The following GLG1 variants were observed in gnomAD, a reference collection of about 807,000 sequenced individuals.
GLG1 encodes the protein Golgi apparatus protein 1.
GLG1 carries 38 observed loss-of-function variants against 160.5 expected under a neutral mutation model. The observed-to-expected ratio is 0.24, with a 90% CI of 0.18 to 0.31. The LOEUF is 0.31. Ranked by LOEUF, GLG1 falls within the 10% of genes least tolerant of loss-of-function variation. The pLI, the probability that GLG1 is intolerant of heterozygous loss-of-function variation, is 1.00. For missense variants in GLG1, 1,373 were observed against 1,505.2 expected (o/e 0.91, Z 1.45); for synonymous variants, 644 against 543.4 (o/e 1.19, Z -2.57).
chr16:74,498,003 C>G (rs1007868013), intron 4 of GLG1, among the ~76,000 whole-genome samples: 4 of 152,168 alleles, frequency 2.6e-5, no homozygotes, highest in African/African-American at 9.7e-5. Context: ...ATAGCAACCA[C>G]AAACATTCAT....
chr16:74,480,551 T>G (rs2015561215), intron 10 of GLG1, among the ~76,000 whole-genome samples, 157 bp from the exon 11 acceptor site: 2 of 151,980 alleles, frequency 1.3e-5, no homozygotes, highest in Admixed American at 1.3e-4. Flanking sequence ...TCCTGAATTT[T>G]GTTCTTTTGT....
chr16:74,571,575 A>AC (rs1434385412), intron 1 of GLG1, among the ~76,000 whole-genome samples: 1 of 151,748 alleles, frequency 6.6e-6, no homozygotes, highest in African/African-American at 2.4e-5. Flanking sequence ...AATCGCTCGT[A>AC]CCCAGGAGGC....
At position 74,606,772 on chromosome 16, in the gene GLG1, C is replaced by T. The variant is rs754584891; in HGVS notation, c.323G>A (p.Gly108Glu). 1 of 1,611,608 alleles carries T rather than the reference C, an allele frequency of 6.2e-7. No homozygotes were observed. Among genetic ancestry groups the T allele is most frequent in the Non-Finnish European group, 8.5e-7 (1 of 1,178,902 alleles). Residue 108 changes from glycine (G) to glutamate (E), a missense_variant, in exon 1 of 26, where the codon GGG (glycine) becomes GAG (glutamate). Gly to Glu is a moderately conservative substitution (Grantham distance 98, BLOSUM62 -2). Coordinates refer to ENST00000422840, the MANE Select transcript of GLG1 (RefSeq NM_001145667.2). Reference protein sequence around the residue: ...PARRGGAGAGGGWKLAEEESC... With the variant: ...PARRGGAGAGEGWKLAEEESC... ...CTCTTCCTCCGCCAGCTTCCAGCCC[C>T]CACCAGCCCCCGCTCCTCCCCGCCG...
chr16:74,533,966 T>TAGCC (rs1478263156), intron 1 of GLG1, among the ~76,000 whole-genome samples: 16 of 152,128 alleles, frequency 1.1e-4, no homozygotes, highest in Admixed American at 6.5e-5. Context: ...ACACATCAAG[T>TAGCC]AGCCACACCT....
intron 19 of GLG1, among the ~76,000 whole-genome samples, chr16:74,465,460 C>T (rs900429999): frequency 6.6e-6 from 1 of 152,182 alleles, no homozygotes; most frequent in African/African-American, 2.4e-5. Context: ...CCTAGGGAGG[C>T]AGCTAAGGCA....
intron 1 of GLG1, 44 bp from the exon 2 acceptor site, chr16:74,532,197 T>C (rs200914491): frequency 1.1e-5 from 3 of 261,734 alleles, no homozygotes; most frequent in South Asian, 1.3e-4. Context: ...AAAAAAAATA[T>C]ATATATATAT....
At chr16:74,579,530 T>C (rs577279771) in intron 1 of GLG1, among the ~76,000 whole-genome samples, 8 of 150,852 alleles carry the variant, frequency 5.3e-5, no homozygotes, top group Non-Finnish European at 1.2e-4. Flanking sequence ...GAGACCAGCC[T>C]GGCCAACATG....
intron 19 of GLG1, 129 bp from the exon 20 acceptor site, chr16:74,463,608 G>A (rs546102111): frequency 4.2e-5 from 36 of 848,832 alleles, no homozygotes; most frequent in Admixed American, 1.1e-4. Context: ...GGCGCAATTC[G>A]GCTTACTGCA....
chr16:74,451,738 C>G lies in GLG1; in HGVS notation c.*1429G>C, dbSNP rs1387549395. On this transcript the variant is annotated 3_prime_UTR_variant, in exon 26 of 26. Transcript: ENST00000422840. ...CTGTGATCTCATGCCCCAAACTCAA[C>G]CAAAGGAGTGCCACGCTGAACCATG... 3.0e-6 allele frequency: 1 copy of G among 335,208 alleles called. No homozygotes were observed. Among genetic ancestry groups the G allele is most frequent in the Non-Finnish European group, 5.7e-6 (1 of 175,118 alleles). 20.8% of individuals were successfully genotyped at this position (335,208 alleles called of 1,614,324 possible). A position where few individuals can be genotyped will look rare whatever the true frequency, so the allele number is the denominator to read the frequency against.
intron 1 of GLG1, chr16:74,562,962 T>C (rs1175067693): frequency 6.6e-6 from 1 of 152,116 alleles, no homozygotes; most frequent in Non-Finnish European, 1.5e-5. Flanking sequence ...CCCTCCAGAC[T>C]TGGAATTGTA....
chr16:74,482,822 G>A (rs975914371), intron 10 of GLG1, among the ~76,000 whole-genome samples: 1 of 152,188 alleles, frequency 6.6e-6, no homozygotes, highest in African/African-American at 2.4e-5. Flanking sequence ...TGTGGTACAG[G>A]CTGGTAGTGG....
At chr16:74,579,863 G>A (rs1202984501) in intron 1 of GLG1, among the ~76,000 whole-genome samples, 4 of 152,068 alleles carry the variant, frequency 2.6e-5, no homozygotes, top group African/African-American at 9.7e-5. Flanking sequence ...AAGAGATAGA[G>A]ACCATCCTGG....
chr16:74,500,314 T>C (rs2016359151), intron 4 of GLG1, among the ~76,000 whole-genome samples: 1 of 152,196 alleles, frequency 6.6e-6, no homozygotes, highest in Non-Finnish European at 1.5e-5. Context: ...AATTATCCTA[T>C]AAATGAACTT....
At chr16:74,537,355 T>G (rs2017713583) in intron 1 of GLG1, among the ~76,000 whole-genome samples, 1 of 151,988 alleles carries the variant, frequency 6.6e-6, no homozygotes, top group Admixed American at 6.6e-5. Context: ...AGGAAATGGT[T>G]AAAAAACAAA....
intron 1 of GLG1, among the ~76,000 whole-genome samples, chr16:74,548,052 C>T (rs1306518952): frequency 6.6e-6 from 1 of 152,226 alleles, no homozygotes. Context: ...GCCTCAGCCT[C>T]CCGAGTAGCT....
At chr16:74,523,540 T>C (rs1472384608) in intron 2 of GLG1, among the ~76,000 whole-genome samples, 1 of 152,170 alleles carries the variant, frequency 6.6e-6, no homozygotes, top group Non-Finnish European at 1.5e-5. Flanking sequence ...ACATTTTTTA[T>C]AACACCAAGT....
chr16:74,515,617 G>A (rs2016953950), intron 2 of GLG1, among the ~76,000 whole-genome samples: 1 of 151,696 alleles, frequency 6.6e-6, no homozygotes, highest in Non-Finnish European at 1.5e-5. Context: ...ACAAGTTAAT[G>A]GGTGCAGCAC....
chr16:74,542,712 A>AGGGAGGGAGGGAGGGAGGGAG (rs1233351958), intron 1 of GLG1, among the ~76,000 whole-genome samples: 5 of 38,098 alleles, frequency 1.3e-4, no homozygotes, highest in African/African-American at 5.7e-4. Context: ...GAGGAAGGGA[A>AGGGAGGGAGGGAGGGAGGGAG]GAAGGGAAGG....
In GLG1 at chr16:74,506,811, A is replaced by G. The variant is rs1001871943; in HGVS notation, c.558+2028T>C. Among the ~76,000 whole-genome samples, 43 of 152,162 alleles carry G rather than the reference A, an allele frequency of 2.8e-4. 1 individual carries two copies. The highest frequency in any genetic ancestry group is 9.4e-4 in the African/African-American group (39 of 41,518). ...CTGCTGGATAGCACTTTTTCCTTCTATCTTACTAAACTTCTAAGATGAACA... is the reference window on the plus strand; with the variant it reads ...CTGCTGGATAGCACTTTTTCCTTCTGTCTTACTAAACTTCTAAGATGAACA... On this transcript the variant is annotated intron_variant, in intron 3 of 25. Coordinates refer to ENST00000422840, the MANE Select transcript of GLG1 (RefSeq NM_001145667.2).
Sources: gnomAD v4.1 joint callset for allele counts (sites outside exome capture counted in the v4.1 genomes callset) on GRCh38, gnomAD v4.1.1 for gene constraint, MANE v1.5 for transcripts, NCBI Gene and HGNC (gene_info 2026-07-23, HGNC 2026-07-21) for gene names.